Variants in SORCS1 observed in about 807,000 individuals in gnomAD.
SORCS1 encodes VPS10 domain-containing receptor SorCS1.
A neutral mutation model predicts 146.1 loss-of-function variants in SORCS1; 60 were observed. That is an observed-to-expected ratio of 0.41 (90% CI 0.33 to 0.51). The LOEUF (loss-of-function observed/expected upper bound fraction) is 0.51. SORCS1 is among the 20% of genes least tolerant of loss of function. The pLI is 0.21. For synonymous variants in SORCS1, 637 were observed against 584.0 expected, an observed-to-expected ratio of 1.09 and a Z score of -1.31; for missense variants, 1,352 against 1,487.6, an observed-to-expected ratio of 0.91 and a Z score of 1.50.
At chr10:106,626,223 G>A (rs1190643208) in intron 19 of SORCS1, among the ~76,000 whole-genome samples, 1 of 152,140 alleles carries the variant, frequency 6.6e-6, no homozygotes, top group East Asian at 1.9e-4. Context: ...AGGGGCAGAG[G>A]ACAGGCTTGG....
chr10:106,663,997 G>A (rs1015917559), intron 17 of SORCS1, among the ~76,000 whole-genome samples: 2 of 152,152 alleles, frequency 1.3e-5, no homozygotes, highest in Admixed American at 1.3e-4. Flanking sequence ...ACACTAGCTT[G>A]CTCACCAATG....
chr10:107,001,986 A>G (rs1199007938), intron 1 of SORCS1, among the ~76,000 whole-genome samples: 1 of 152,230 alleles, frequency 6.6e-6, no homozygotes, highest in African/African-American at 2.4e-5. Context: ...TTACAGTAGT[A>G]ATGTGTCACA....
intron 1 of SORCS1, among the ~76,000 whole-genome samples, chr10:106,967,221 G>A (rs746732272): frequency 2.6e-5 from 4 of 151,726 alleles, no homozygotes; most frequent in African/African-American, 4.8e-5. Context: ...TCCTTCTCCC[G>A]TTCTTTATTT....
At chr10:107,079,914 C>T (rs1157473223) in intron 1 of SORCS1, among the ~76,000 whole-genome samples, 1 of 152,092 alleles carries the variant, frequency 6.6e-6, no homozygotes, top group Non-Finnish European at 1.5e-5. Context: ...CAGCTCCCAC[C>T]TAAAAGATTA....
chr10:107,033,308 T>A (rs1006315907), intron 1 of SORCS1, among the ~76,000 whole-genome samples: 1 of 151,956 alleles, frequency 6.6e-6, no homozygotes, highest in Non-Finnish European at 1.5e-5. Flanking sequence ...AGGCCCCTCC[T>A]CCAACACTGA....
intron 6 of SORCS1, among the ~76,000 whole-genome samples, chr10:106,727,446 T>A (rs1215962861): frequency 6.6e-6 from 1 of 152,212 alleles, no homozygotes; most frequent in Non-Finnish European, 1.5e-5. Flanking sequence ...CTTGAACTCC[T>A]GGGCTCAAAT....
At position 106,673,214 on chromosome 10, in the gene SORCS1, C is replaced by T. The variant is rs867469952; in HGVS notation, c.1941-229G>A. ...TGGTGCGATCTCGGCTCACTACAAC[C>T]CCTGACTCCCTGGTTCAAGCAATTC... On this transcript the variant is annotated intron_variant, in intron 14 of 25. Coordinates refer to ENST00000263054, the MANE Select transcript of SORCS1 (RefSeq NM_052918.5). Among the ~76,000 whole-genome samples, 12 of 151,848 alleles carry T rather than the reference C, an allele frequency of 7.9e-5. No individual in the cohort carries two copies. The South Asian group carries it at 2.3e-3, about 29-fold the overall frequency.
At chr10:106,639,719 T>C (rs1170980862) in intron 18 of SORCS1, among the ~76,000 whole-genome samples, 3 of 152,156 alleles carry the variant, frequency 2.0e-5, no homozygotes, top group Non-Finnish European at 4.4e-5. Flanking sequence ...GAAATCAGCT[T>C]CCACTCCTTT....
intron 2 of SORCS1, among the ~76,000 whole-genome samples, chr10:106,902,976 G>T (rs1951772810): frequency 6.6e-6 from 1 of 152,160 alleles, no homozygotes; most frequent in South Asian, 2.1e-4. Flanking sequence ...TACTCAGGAG[G>T]CTGAGTTAGG....
At chr10:106,711,666 C>T (rs939470272) in intron 6 of SORCS1, among the ~76,000 whole-genome samples, 5 of 152,234 alleles carry the variant, frequency 3.3e-5, no homozygotes, top group Admixed American at 6.5e-5. Flanking sequence ...TTTAACCTGT[C>T]TAGTCCTGGT....
chr10:106,634,543 T>C (rs923328826), intron 18 of SORCS1, among the ~76,000 whole-genome samples: 1 of 152,206 alleles, frequency 6.6e-6, no homozygotes. Flanking sequence ...ACCTATTCAG[T>C]TCAGTTCTCT....
intron 3 of SORCS1, among the ~76,000 whole-genome samples, chr10:106,820,454 C>T (rs908771844): frequency 6.6e-6 from 1 of 152,082 alleles, no homozygotes; most frequent in African/African-American, 2.4e-5. Context: ...AGGGACAAAA[C>T]CATCAAAAGA....
chr10:106,613,642 C>T (rs1165571657), intron 21 of SORCS1, among the ~76,000 whole-genome samples: 4 of 152,156 alleles, frequency 2.6e-5, no homozygotes, highest in Non-Finnish European at 5.9e-5. Context: ...GGCTTCAACA[C>T]TCCTTACCCA....
At chr10:106,894,810 G>A (rs1951401875) in intron 2 of SORCS1, among the ~76,000 whole-genome samples, 1 of 152,286 alleles carries the variant, frequency 6.6e-6, no homozygotes, top group Non-Finnish European at 1.5e-5. Flanking sequence ...AATTCTAGAA[G>A]AAAGCCAGGA....
intron 9 of SORCS1, among the ~76,000 whole-genome samples, chr10:106,698,239 G>C (rs184763037): frequency 9.8e-5 from 15 of 152,308 alleles, no homozygotes; most frequent in African/African-American, 3.4e-4. Context: ...AATTTCTTAA[G>C]TGAAATTAGT....
At chr10:107,103,131 A>G (rs952023660) in intron 1 of SORCS1, among the ~76,000 whole-genome samples, 1 of 152,200 alleles carries the variant, frequency 6.6e-6, no homozygotes, top group African/African-American at 2.4e-5. Flanking sequence ...AAATTTTTGA[A>G]TTATTACTCT....
At position 106,962,480 on chromosome 10, in the gene SORCS1, G is replaced by A. The variant is rs186988153; in HGVS notation, c.559-5900C>T. Reference sequence around the variant, plus strand: ...TTCACTCTTCAATTAATAATAATTTGCATTCTTGTTTTCCTCTATGTCCAA... The same window carrying A: ...TTCACTCTTCAATTAATAATAATTTACATTCTTGTTTTCCTCTATGTCCAA... On this transcript the variant is annotated intron_variant, in intron 1 of 25. Transcript: ENST00000263054. Among the ~76,000 whole-genome samples the A allele has an allele frequency of 3.6e-4, 54 of 151,024 alleles. 1 individual carries two copies. Among genetic ancestry groups the A allele is most frequent in the Middle Eastern group, 3.5e-3 (1 of 282 alleles).
At chr10:106,646,434 G>A (rs373752942) in intron 18 of SORCS1, among the ~76,000 whole-genome samples, 1 of 151,870 alleles carries the variant, frequency 6.6e-6, no homozygotes, top group African/African-American at 2.4e-5. Context: ...GGTGGCTCAC[G>A]CTTGTTATCC....
intron 3 of SORCS1, among the ~76,000 whole-genome samples, chr10:106,785,722 C>T (rs1042421276): frequency 2.6e-5 from 4 of 152,164 alleles, no homozygotes; most frequent in Admixed American, 1.3e-4. Flanking sequence ...ACGGAGACCA[C>T]CAGGGATTTC....
Sources: gnomAD v4.1 joint callset for allele counts (sites outside exome capture counted in the v4.1 genomes callset) on GRCh38, gnomAD v4.1.1 for gene constraint, MANE v1.5 for transcripts, NCBI Gene and HGNC (gene_info 2026-07-23, HGNC 2026-07-21) for gene names.